DEPDC1: variants seen among roughly 807,000 people sequenced by gnomAD.
The protein encoded by DEPDC1 is DEP domain-containing protein 1A.
Under a neutral mutation model 86.8 loss-of-function variants are expected in DEPDC1, and 66 were observed. That is an observed-to-expected ratio of 0.76 (90% CI 0.62 to 0.93). The LOEUF (loss-of-function observed/expected upper bound fraction) is 0.93, where lower values mean the gene tolerates loss of function less well. Among genes scored for constraint, DEPDC1 ranks in the 40% least tolerant of loss-of-function variants. The pLI is 0.00. For synonymous variants in DEPDC1, 255 were observed against 314.9 expected (o/e 0.81, Z 2.02); for missense variants, 792 against 935.7 (o/e 0.85, Z 2.00).
rs1231128404 is a variant in DEPDC1, at chr1:68,496,731, C to T, written c.48+221G>A. ...TGGTGCGGCCTACGCGCGGCGCTTCCTTTCGGACCTGAGGCCCAGACCCTC... is the reference window on the plus strand; with the variant it reads ...TGGTGCGGCCTACGCGCGGCGCTTCTTTTCGGACCTGAGGCCCAGACCCTC... On this transcript the variant is annotated intron_variant, in intron 1 of 11. Transcript: ENST00000456315. The surrounding 1 kb of genome is among the most constrained non-coding windows in gnomAD (Gnocchi z 4.0). The T allele has an allele frequency of 1.5e-5, 7 of 460,248 alleles. No homozygotes were observed. Among genetic ancestry groups the T allele is most frequent in the Non-Finnish European group, 2.7e-5 (7 of 257,632 alleles). The allele number at this position is 460,248 out of a possible 1,614,324, so 28.5% of individuals were successfully genotyped here. A position where few individuals can be genotyped will look rare whatever the true frequency, so the allele number is the denominator to read the frequency against.
In DEPDC1 at chr1:68,496,479, G is replaced by C. The variant is rs754865167; in HGVS notation, c.48+473C>G. ...GCAGCTGTTATCCTAGTGCTATTCG[G>C]CCGATACATCCTGCGTTAAATTCTA... On this transcript the variant is annotated intron_variant, in intron 1 of 11. Coordinates refer to ENST00000456315, the MANE Select transcript of DEPDC1 (RefSeq NM_001114120.3). This position sits in a 1 kb window ranked among gnomAD's most constrained non-coding sequence, Gnocchi z 4.0. Among the ~76,000 whole-genome samples, 2 of 152,190 alleles carry C rather than the reference G, an allele frequency of 1.3e-5. No individual in the cohort carries two copies. The highest frequency in any genetic ancestry group is 2.9e-5 in the Non-Finnish European group (2 of 68,032).
At chr1:68,492,163 T>G (rs1383505738) in intron 2 of DEPDC1, among the ~76,000 whole-genome samples, 1 of 152,150 alleles carries the variant, frequency 6.6e-6, no homozygotes, top group Admixed American at 6.5e-5. Flanking sequence ...ACCAAATGAA[T>G]TTTAGAATCT....
intron 2 of DEPDC1, among the ~76,000 whole-genome samples, chr1:68,493,303 C>T (rs984339948): frequency 3.9e-5 from 6 of 151,992 alleles, no homozygotes; most frequent in African/African-American, 1.5e-4. Flanking sequence ...TTGAAAAGTA[C>T]CTAATGTTGT....
intron 11 of DEPDC1, among the ~76,000 whole-genome samples, chr1:68,477,442 A>G (rs1646123870): frequency 6.6e-6 from 1 of 151,726 alleles, no homozygotes; most frequent in Non-Finnish European, 1.5e-5. Context: ...AGAGCTAAAA[A>G]TTCTAAAACA....
intron 11 of DEPDC1, 84 bp from the exon 12 acceptor site, chr1:68,477,153 T>A: frequency 1.1e-5 from 13 of 1,217,620 alleles, no homozygotes; most frequent in Non-Finnish European, 1.5e-5. Flanking sequence ...AAGAATTCAG[T>A]GTTTTTCTCA....
chr1:68,486,911 C>T, intron 6 of DEPDC1, 26 bp downstream of exon 6: 1 of 1,564,796 alleles, frequency 6.4e-7, no homozygotes, highest in South Asian at 1.2e-5. Context: ...CACACACACA[C>T]ACACACACAC....
chr1:68,488,618 A>G (rs1646209042), intron 4 of DEPDC1, 114 bp from the exon 5 acceptor site: 1 of 906,538 alleles, frequency 1.1e-6, no homozygotes, highest in Non-Finnish European at 1.6e-6. Context: ...AATTTCTAAG[A>G]CTTATATTTA....
In DEPDC1 at chr1:68,476,341, A is replaced by C. The variant is rs1426792943; in HGVS notation, c.*591T>G. 6.6e-6 allele frequency: 1 copy of C among 151,836 alleles called. No individual in the cohort carries two copies. Among genetic ancestry groups the C allele is most frequent in the East Asian group, 1.9e-4 (1 of 5,194 alleles). The allele number at this position is 151,836 out of a possible 1,614,324, so 9.4% of individuals were successfully genotyped here. ...TATATACTGAACAAATGAATGACTG[A>C]AGCAATTGGGGATAATATTTAAGGC... On this transcript the variant is annotated 3_prime_UTR_variant, in exon 12 of 12. Coordinates refer to ENST00000456315, the MANE Select transcript of DEPDC1 (RefSeq NM_001114120.3).
chr1:68,480,452 C>T (rs1251916818), intron 9 of DEPDC1, among the ~76,000 whole-genome samples: 6 of 152,090 alleles, frequency 3.9e-5, no homozygotes, highest in Middle Eastern at 6.8e-3. Flanking sequence ...TCTTTCTTCA[C>T]ACTCTTAGCC....
Position 68,477,955 on chromosome 1 carries a change from A to C in DEPDC1, c.2130T>G (p.Asp710Glu). The change falls in exon 11 of 12, where the codon GAT (aspartate) becomes GAG (glutamate). Residue 710 changes from aspartate (D) to glutamate (E), a missense_variant. Transcript: ENST00000456315. ...LKKGHIENPG[D>E]GLFAPLPTYS... ...AAGTTGGCAAAGGAGCAAATAGTCC[A>C]TCTCCAGGATTTTCAATCTGTAGTG... 1.9e-6 allele frequency: 3 copies of C among 1,543,876 alleles called. No homozygotes were observed. The highest frequency in any genetic ancestry group is 2.6e-6 in the Non-Finnish European group (3 of 1,146,590).
In DEPDC1 at chr1:68,477,944, G is replaced by A. The variant is rs143311715; in HGVS notation, c.2141C>T (p.Ala714Val). Residue 714 changes from alanine to valine, a missense_variant, in exon 11 of 12, where the codon GCT (alanine) becomes GTT (valine). Ala to Val is a moderately conservative substitution (Grantham distance 64). Coordinates refer to ENST00000456315, the MANE Select transcript of DEPDC1 (RefSeq NM_001114120.3). ...HIENPGDGLF[A>V]PLPTYSYCKQ... Reference sequence around the variant, plus strand: ...ACAGTATGAGTAAGTTGGCAAAGGAGCAAATAGTCCATCTCCAGGATTTTC... The same window carrying A: ...ACAGTATGAGTAAGTTGGCAAAGGAACAAATAGTCCATCTCCAGGATTTTC... 1.8e-5 allele frequency: 28 copies of A among 1,552,984 alleles called. No homozygotes were observed. The highest frequency in any genetic ancestry group is 2.4e-5 in the Non-Finnish European group (28 of 1,150,236).
intron 1 of DEPDC1, among the ~76,000 whole-genome samples, chr1:68,495,582 G>A (rs529896542): frequency 6.6e-6 from 1 of 152,244 alleles, no homozygotes; most frequent in African/African-American, 2.4e-5. Context: ...CTGGCCTGAG[G>A]ACACAGTAAT....
Position 68,488,899 on chromosome 1 carries a change from G to A in DEPDC1, c.590+17C>T. 1.4e-6 allele frequency: 2 copies of A among 1,434,452 alleles called. No homozygotes were observed. The highest frequency in any genetic ancestry group is 2.0e-6 in the Non-Finnish European group (2 of 1,019,954). The allele number at this position is 1,434,452 out of a possible 1,614,324, so 88.9% of individuals were successfully genotyped here. A position where few individuals can be genotyped will look rare whatever the true frequency, so the allele number is the denominator to read the frequency against. On this transcript the variant is annotated intron_variant, in intron 4 of 11. Transcript: ENST00000456315. Reference sequence around the variant, plus strand: ...AGAACACATCAGGAACTTCATTAAAGCTTAATTTTATCTTACTAGATCAGA... The same window carrying A: ...AGAACACATCAGGAACTTCATTAAAACTTAATTTTATCTTACTAGATCAGA...
intron 5 of DEPDC1, 48 bp from the exon 6 acceptor site, chr1:68,487,032 A>T (rs1646197423): frequency 6.5e-7 from 1 of 1,543,640 alleles, no homozygotes; most frequent in Non-Finnish European, 8.8e-7. Context: ...ATTTTTTATG[A>T]TAGTATATTT....
intron 6 of DEPDC1, among the ~76,000 whole-genome samples, chr1:68,485,137 C>T (rs1041667888): frequency 6.8e-6 from 1 of 147,826 alleles, no homozygotes; most frequent in African/African-American, 2.5e-5. Context: ...TGTGAGCACA[C>T]ACTGAAAAAG....
intron 2 of DEPDC1, among the ~76,000 whole-genome samples, chr1:68,493,845 GT>G (rs948780376): frequency 6.6e-6 from 1 of 151,956 alleles, no homozygotes; most frequent in African/African-American, 2.4e-5. Flanking sequence ...TCTCAGGTGT[GT>G]GCTACTACAC....
intron 10 of DEPDC1, 104 bp from the exon 11 acceptor site, chr1:68,478,076 A>G: frequency 3.7e-6 from 3 of 806,766 alleles, no homozygotes; most frequent in Non-Finnish European, 5.3e-6. Context: ...ACCACCAATC[A>G]AACATTCAGC....
rs563115849 is a variant in DEPDC1 at position 68,496,446 on chromosome 1, T to G, written c.48+506A>C. ...TGATGGGTACTCAGAAATACCGTTT[T>G]GAAACAGGCAGCTGTTATCCTAGTG... On this transcript the variant is annotated intron_variant, in intron 1 of 11. Transcript: ENST00000456315. This position sits in a 1 kb window ranked among gnomAD's most constrained non-coding sequence, Gnocchi z 4.0. Among the ~76,000 whole-genome samples the G allele has an allele frequency of 1.3e-5, 2 of 152,344 alleles. No homozygotes were observed. The highest frequency in any genetic ancestry group is 4.8e-5 in the African/African-American group (2 of 41,572).
Position 68,482,657 on chromosome 1 carries a change from T to C in DEPDC1, c.1151A>G (p.Asn384Ser). The C allele has an allele frequency of 6.2e-7, 1 of 1,612,748 alleles. No individual in the cohort carries two copies. The highest frequency in any genetic ancestry group is 8.5e-7 in the Non-Finnish European group (1 of 1,179,298). ...AGCACTCACTCTTCTGTTTCTTAAA[T>C]TAACTAGCTGCATTTTCTTAGCACA... ...ERCAKKMQLVNLRNRRVSAND... is the reference protein window; with the variant it reads ...ERCAKKMQLVSLRNRRVSAND... The change falls in exon 8 of 12, where the codon AAT becomes AGT. Residue 384 changes from asparagine to serine, a missense_variant. Transcript: ENST00000456315.
Sources: gnomAD v4.1 joint callset for allele counts (sites outside exome capture counted in the v4.1 genomes callset) on GRCh38, gnomAD v4.1.1 for gene constraint, Gnocchi (gnomAD v3.1) non-coding constraint, MANE v1.5 for transcripts, NCBI Gene and HGNC (gene_info 2026-07-23, HGNC 2026-07-21) for gene names.